PLGRKT: variants seen among roughly 807,000 people sequenced by gnomAD.
The protein encoded by PLGRKT is plasminogen receptor with a C-terminal lysine.
Under a neutral mutation model 18.5 loss-of-function variants are expected in PLGRKT, and 22 were observed. That is an observed-to-expected ratio of 1.19 (90% confidence interval 0.85 to 1.70). The LOEUF is 1.70. PLGRKT is among the 40% of genes most tolerant of loss of function. The probability of loss-of-function intolerance (pLI) is 0.00; values close to 1 mark genes in which losing one functional copy is unlikely to be tolerated. For synonymous variants in PLGRKT, 72 were observed against 52.8 expected (o/e 1.36, Z -1.58); for missense variants, 235 against 174.4 (o/e 1.35, Z -1.96).
chr9:5,397,484 C>G (rs1244986855), intron 3 of PLGRKT, among the ~76,000 whole-genome samples: 1 of 151,260 alleles, frequency 6.6e-6, no homozygotes, highest in East Asian at 1.9e-4. Flanking sequence ...TCCCAATCAC[C>G]TTAGATAGGT....
At position 5,399,544 on chromosome 9, in the gene PLGRKT, G is replaced by C. The variant is rs1818116542; in HGVS notation, c.81+32353C>G. Reference sequence around the variant, plus strand: ...AAGCTCTAATGTTATATTTATTAAAGGTACATAGCACCAAACTATTACTTA... The same window carrying C: ...AAGCTCTAATGTTATATTTATTAAACGTACATAGCACCAAACTATTACTTA... On this transcript the variant is annotated intron_variant, in intron 3 of 5. Transcript: ENST00000223864. 4.0e-5 allele frequency among the ~76,000 whole-genome samples: 6 copies of C among 151,500 alleles called. No individual in the cohort carries two copies. The South Asian group carries it at 1.3e-3, about 32-fold the overall frequency.
chr9:5,400,144 G>C (rs534352727), intron 3 of PLGRKT, among the ~76,000 whole-genome samples: 28 of 151,914 alleles, frequency 1.8e-4, no homozygotes, highest in African/African-American at 6.8e-4. Context: ...AGGGTCTACA[G>C]CTGAAGTTCT....
At chr9:5,401,155 A>T (rs1818146555) in intron 3 of PLGRKT, among the ~76,000 whole-genome samples, 1 of 151,870 alleles carries the variant, frequency 6.6e-6, no homozygotes, top group African/African-American at 2.4e-5. Context: ...TTTCATTTTC[A>T]AGTATACAAG....
intron 3 of PLGRKT, among the ~76,000 whole-genome samples, chr9:5,427,432 A>G (rs1326818970): frequency 6.6e-6 from 1 of 152,184 alleles, no homozygotes; most frequent in African/African-American, 2.4e-5. Flanking sequence ...AAAAAATCAT[A>G]TGCCAAGGTT....
chr9:5,379,413 T>C (rs1179217389), intron 3 of PLGRKT, among the ~76,000 whole-genome samples: 1 of 152,222 alleles, frequency 6.6e-6, no homozygotes, highest in Non-Finnish European at 1.5e-5. Context: ...ACTGAATATT[T>C]ACATTAAGAT....
Position 5,418,625 on chromosome 9 carries a change from G to T in PLGRKT, c.81+13272C>A. 2 of 713,758 alleles carry T rather than the reference G, an allele frequency of 2.8e-6. No individual in the cohort carries two copies. The highest frequency in any genetic ancestry group is 2.7e-5 in the East Asian group (1 of 36,814). The allele number at this position is 713,758 out of a possible 1,614,324, so 44.2% of individuals were successfully genotyped here. Reference sequence around the variant, plus strand: ...TGCCGGTTCCTGGGCAGCAGGTGGCGGCTCATATCTCCGGGCAGCAGCGCG... The same window carrying T: ...TGCCGGTTCCTGGGCAGCAGGTGGCTGCTCATATCTCCGGGCAGCAGCGCG... On this transcript the variant is annotated intron_variant, in intron 3 of 5. Coordinates refer to ENST00000223864, the MANE Select transcript of PLGRKT (RefSeq NM_018465.4). This position sits in a 1 kb window ranked among gnomAD's most constrained non-coding sequence, Gnocchi z 4.2.
intron 3 of PLGRKT, among the ~76,000 whole-genome samples, chr9:5,391,211 A>T (rs555189523): frequency 1.4e-4 from 22 of 152,118 alleles, no homozygotes; most frequent in African/African-American, 5.3e-4. Flanking sequence ...ATATGATGCG[A>T]TATGGTTTTG....
intron 4 of PLGRKT, 29 bp downstream of exon 4, chr9:5,361,729 C>G: frequency 6.3e-7 from 1 of 1,583,654 alleles, no homozygotes. Context: ...AAGTAAATGA[C>G]TGAAGAAAAT....
intron 5 of PLGRKT, 115 bp from the exon 6 acceptor site, chr9:5,358,475 A>G (rs1008739942): frequency 4.7e-5 from 36 of 762,274 alleles, no homozygotes; most frequent in South Asian, 6.1e-5. Flanking sequence ...CATGTCCCCA[A>G]TCTCACACTT....
chr9:5,427,746 T>A (rs983393832), intron 3 of PLGRKT, among the ~76,000 whole-genome samples: 3 of 152,180 alleles, frequency 2.0e-5, no homozygotes, highest in South Asian at 2.1e-4. Context: ...CATGCCCTGA[T>A]AGTTTTGGTG....
chr9:5,418,939 T>C lies in PLGRKT; in HGVS notation c.81+12958A>G, dbSNP rs891392286. On this transcript the variant is annotated intron_variant, in intron 3 of 5. Transcript: ENST00000223864. This position sits in a 1 kb window ranked among gnomAD's most constrained non-coding sequence, Gnocchi z 4.2. ...TAGGGGCTGCAGTAATTAAAACAGA[T>C]CTGACATTCTAGCAGAGTCCTGGGA... is the stretch of plus-strand genomic sequence containing the variant. 2 of 778,208 alleles carry C rather than the reference T, an allele frequency of 2.6e-6. No individual in the cohort carries two copies. Among genetic ancestry groups the C allele is most frequent in the African/African-American group, 1.7e-5 (1 of 57,432 alleles). The allele number at this position is 778,208 out of a possible 1,614,324, so 48.2% of individuals were successfully genotyped here. A position where few individuals can be genotyped will look rare whatever the true frequency, so the allele number is the denominator to read the frequency against.
At chr9:5,417,392 A>C (rs984696080) in intron 3 of PLGRKT, among the ~76,000 whole-genome samples, 3 of 152,218 alleles carry the variant, frequency 2.0e-5, no homozygotes, top group African/African-American at 7.2e-5. Flanking sequence ...AAATGGACCC[A>C]AGACCTAAAT....
intron 3 of PLGRKT, among the ~76,000 whole-genome samples, chr9:5,373,265 A>T (rs1817562724): frequency 6.6e-6 from 1 of 152,154 alleles, no homozygotes; most frequent in South Asian, 2.1e-4. Flanking sequence ...GTGTAATTTT[A>T]GCGACTACCA....
At chr9:5,363,311 A>G (rs1817309019) in intron 3 of PLGRKT, among the ~76,000 whole-genome samples, 1 of 151,636 alleles carries the variant, frequency 6.6e-6, no homozygotes, top group Admixed American at 6.6e-5. Context: ...CGTAACCATC[A>G]TCGCCATACT....
At chr9:5,359,918 A>T (rs1817225960) in intron 5 of PLGRKT, among the ~76,000 whole-genome samples, 1 of 152,238 alleles carries the variant, frequency 6.6e-6, no homozygotes, top group African/African-American at 2.4e-5. Context: ...ACATAAAAAT[A>T]TGTATCATAA....
intron 3 of PLGRKT, among the ~76,000 whole-genome samples, chr9:5,379,498 A>T (rs1817695465): frequency 6.6e-6 from 1 of 151,566 alleles, no homozygotes; most frequent in Non-Finnish European, 1.5e-5. Flanking sequence ...ATGTGAGTGG[A>T]TATGTGTGTG....
chr9:5,422,900 C>G (rs1818604888), intron 3 of PLGRKT, among the ~76,000 whole-genome samples: 1 of 152,028 alleles, frequency 6.6e-6, no homozygotes, highest in Non-Finnish European at 1.5e-5. Context: ...GCTGGTGGGT[C>G]TTAGTATTTC....
At chr9:5,375,314 A>G (rs551316139) in intron 3 of PLGRKT, among the ~76,000 whole-genome samples, 1 of 152,226 alleles carries the variant, frequency 6.6e-6, no homozygotes, top group Non-Finnish European at 1.5e-5. Flanking sequence ...GGCCCCAGGT[A>G]TGTGTGGGGG....
intron 3 of PLGRKT, among the ~76,000 whole-genome samples, chr9:5,423,799 C>G (rs1476837126): frequency 1.3e-5 from 2 of 150,284 alleles, no homozygotes; most frequent in Non-Finnish European, 3.0e-5. Context: ...CCCCCCCAGG[C>G]TCAAGCAATC....
Sources: allele counts gnomAD v4.1 joint callset (sites outside exome capture counted in the v4.1 genomes callset), GRCh38; gene constraint gnomAD v4.1.1; non-coding constraint Gnocchi (gnomAD v3.1); transcripts MANE v1.5; gene names NCBI Gene and HGNC (gene_info 2026-07-23, HGNC 2026-07-21).